LMOD1: variants seen among roughly 807,000 people sequenced by gnomAD.
The protein encoded by LMOD1 is leiomodin 1, also known as leiomodin-1.
In LMOD1, 8 loss-of-function variants were observed where a neutral mutation model predicts 36.5. The observed-to-expected ratio is 0.22, with a 90% CI of 0.13 to 0.40. The LOEUF is 0.40. LMOD1 is among the 10% of genes least tolerant of loss of function. The pLI, the probability that LMOD1 is intolerant of heterozygous loss-of-function variation, is 1.00. For synonymous variants in LMOD1, 284 were observed against 288.7 expected, an observed-to-expected ratio of 0.98 and a Z score of 0.17; for missense variants, 630 against 751.1, an observed-to-expected ratio of 0.84 and a Z score of 1.88.
rs148266269 is a variant in LMOD1, at chr1:201,897,848, C to T, written c.*524G>A. 0.016 allele frequency: 2,470 copies of T among 154,942 alleles called. 23 individuals are homozygous for T. The highest frequency in any genetic ancestry group is 0.024 in the Non-Finnish European group (1,650 of 69,512). 9.6% of individuals were successfully genotyped at this position (154,942 alleles called of 1,614,324 possible). On this transcript the variant is annotated 3_prime_UTR_variant, in exon 3 of 3. Coordinates refer to ENST00000367288, the MANE Select transcript of LMOD1 (RefSeq NM_012134.3). The stretch of plus-strand genomic sequence containing the variant: ...TGCCCCTGCCACATCCTCTAATTAG[C>T]CTGGACTTTGGGGTATCCTCAGCCC...
chr1:201,904,623 G>T (rs1681384209), intron 1 of LMOD1, among the ~76,000 whole-genome samples: 1 of 152,214 alleles, frequency 6.6e-6, no homozygotes, highest in Non-Finnish European at 1.5e-5. Context: ...TGGGGTCCTA[G>T]TTGGCAAGGA....
intron 1 of LMOD1, among the ~76,000 whole-genome samples, chr1:201,922,417 A>G (rs529828376): frequency 2.1e-4 from 32 of 152,350 alleles, no homozygotes; most frequent in Non-Finnish European, 4.1e-4. Flanking sequence ...ATTAAAAGGA[A>G]TAAAGTACCA....
chr1:201,910,644 A>G (rs1436119446), intron 1 of LMOD1, among the ~76,000 whole-genome samples: 1 of 151,310 alleles, frequency 6.6e-6, no homozygotes, highest in African/African-American at 2.4e-5. Context: ...CTAAGAAATT[A>G]ACTGCTGCAA....
chr1:201,945,396 T>C (rs570582607), intron 1 of LMOD1, among the ~76,000 whole-genome samples: 1 of 152,174 alleles, frequency 6.6e-6, no homozygotes, highest in East Asian at 1.9e-4. Context: ...GAGGGCATGC[T>C]CCCTCCAGAG....
At chr1:201,923,072 G>A (rs914454576) in intron 1 of LMOD1, among the ~76,000 whole-genome samples, 9 of 152,274 alleles carry the variant, frequency 5.9e-5, no homozygotes, top group East Asian at 3.9e-4. Flanking sequence ...TGATCCACCC[G>A]TCTCGGCCTC....
chr1:201,900,873 C>T lies in LMOD1; in HGVS notation c.262-122G>A, dbSNP rs1018370036. 20 of 849,760 alleles carry T rather than the reference C, an allele frequency of 2.4e-5. No homozygotes were observed. The African/African-American group carries it at 3.2e-4, about 14-fold the overall frequency. The allele number at this position is 849,760 out of a possible 1,614,324, so 52.6% of individuals were successfully genotyped here. On this transcript the variant is annotated intron_variant, in intron 1 of 2. Coordinates refer to ENST00000367288, the MANE Select transcript of LMOD1 (RefSeq NM_012134.3). ...CTTGAGCCTCTGAAGGACAGTTGTGCTGTTTGGGAGAGTGGGGTGGATGTC... is the reference window on the plus strand; with the variant it reads ...CTTGAGCCTCTGAAGGACAGTTGTGTTGTTTGGGAGAGTGGGGTGGATGTC...
At chr1:201,909,698 C>T (rs1380665782) in intron 1 of LMOD1, among the ~76,000 whole-genome samples, 2 of 152,342 alleles carry the variant, frequency 1.3e-5, no homozygotes, top group South Asian at 4.1e-4. Flanking sequence ...TCCAGCATAA[C>T]AGTAGCTAAC....
intron 1 of LMOD1, among the ~76,000 whole-genome samples, chr1:201,924,790 T>C (rs900973411): frequency 3.0e-4 from 45 of 152,140 alleles, no homozygotes; most frequent in African/African-American, 1.1e-3. Flanking sequence ...CTTGGGAGGC[T>C]GAGGCCGGAG....
chr1:201,901,581 TATAC>T (rs1472657049), intron 1 of LMOD1, among the ~76,000 whole-genome samples: 16 of 24,102 alleles, frequency 6.6e-4, no homozygotes, highest in African/African-American at 1.5e-3. Flanking sequence ...TATATATATA[TATAC>T]ATATATATAT....
At chr1:201,915,311 C>A (rs1221012390) in intron 1 of LMOD1, among the ~76,000 whole-genome samples, 3 of 152,070 alleles carry the variant, frequency 2.0e-5, no homozygotes, top group African/African-American at 7.2e-5. Context: ...AGCCTCTCAC[C>A]GGATTATCTC....
intron 1 of LMOD1, among the ~76,000 whole-genome samples, chr1:201,924,650 GAGAA>G (rs1411007665): frequency 8.2e-6 from 1 of 121,852 alleles, no homozygotes; most frequent in Non-Finnish European, 1.7e-5. Context: ...GAAAGAAAGA[GAGAA>G]AGAAAGAAAA....
In LMOD1 at chr1:201,933,597, ATATATATAT is replaced by A. The variant is rs1558242934; in HGVS notation, c.261+12474_261+12482del. 3.9e-4 allele frequency among the ~76,000 whole-genome samples: 43 copies of A among 110,888 alleles called. 2 individuals are homozygous for A. In the East Asian group the frequency reaches 0.011, roughly 28 times the overall value. 72.7% of individuals were successfully genotyped at this position (110,888 alleles called of 152,430 possible). A position where few individuals can be genotyped will look rare whatever the true frequency, so the allele number is the denominator to read the frequency against. On this transcript the variant is annotated intron_variant, in intron 1 of 2. Coordinates refer to ENST00000367288, the MANE Select transcript of LMOD1 (RefSeq NM_012134.3). ...ATATATGTACACATATACATACATT[ATATATATAT>A]ATATATATATATATATATGGCAAGA...
In LMOD1 at chr1:201,900,541, T is replaced by A; in HGVS notation, c.472A>T (p.Ile158Phe). 1 of 1,613,908 alleles carries A rather than the reference T, an allele frequency of 6.2e-7. No individual in the cohort carries two copies. Among genetic ancestry groups the A allele is most frequent in the South Asian group, 1.1e-5 (1 of 91,064 alleles). Residue 158 changes from isoleucine (I) to phenylalanine (F), a missense_variant, in exon 2 of 3, where the codon ATT becomes TTT. Ile to Phe is a conservative substitution (Grantham distance 21). Transcript: ENST00000367288. Reference sequence around the variant, plus strand: ...GCAGCCCTGACCCGGCCCTTGTCAATGCCCCGGATGATCTTCTCCTCCTTG... The same window carrying A: ...GCAGCCCTGACCCGGCCCTTGTCAAAGCCCCGGATGATCTTCTCCTCCTTG... ...KPKEEKIIRG[I>F]DKGRVRAAVD... is the part of the protein sequence containing the mutation.
At chr1:201,909,251 G>T (rs1681454785) in intron 1 of LMOD1, among the ~76,000 whole-genome samples, 2 of 152,150 alleles carry the variant, frequency 1.3e-5, no homozygotes, top group Non-Finnish European at 2.9e-5. Context: ...GGCAACTCGT[G>T]GGGGTGGGGC....
intron 1 of LMOD1, among the ~76,000 whole-genome samples, chr1:201,903,335 C>G (rs1032942407): frequency 2.0e-5 from 3 of 152,198 alleles, no homozygotes; most frequent in Admixed American, 6.5e-5. Context: ...TCTGTTCTAG[C>G]CTCCTGCCCT....
chr1:201,920,426 A>C (rs966540469), intron 1 of LMOD1, among the ~76,000 whole-genome samples: 3 of 152,192 alleles, frequency 2.0e-5, no homozygotes, highest in Admixed American at 1.3e-4. Context: ...GGGTCAATAC[A>C]ACTCCTAAAT....
At chr1:201,910,686 G>T (rs1361946021) in intron 1 of LMOD1, among the ~76,000 whole-genome samples, 2 of 148,826 alleles carry the variant, frequency 1.3e-5, no homozygotes, top group Non-Finnish European at 3.0e-5. Context: ...TGCTCAGGGG[G>T]AGTTACAGTT....
intron 1 of LMOD1, among the ~76,000 whole-genome samples, chr1:201,938,541 C>G (rs1203783499): frequency 3.3e-5 from 5 of 152,168 alleles, no homozygotes; most frequent in Admixed American, 1.3e-4. Context: ...TCTAGCTGGC[C>G]CCTGAGGAGA....
At chr1:201,931,377 A>C (rs1243591582) in intron 1 of LMOD1, among the ~76,000 whole-genome samples, 1 of 152,166 alleles carries the variant, frequency 6.6e-6, no homozygotes, top group Non-Finnish European at 1.5e-5. Context: ...TCTACTAAAA[A>C]TACAAAAATT....
Sources: gnomAD v4.1 joint callset for allele counts (sites outside exome capture counted in the v4.1 genomes callset) on GRCh38, gnomAD v4.1.1 for gene constraint, MANE v1.5 for transcripts, NCBI Gene and HGNC (gene_info 2026-07-23, HGNC 2026-07-21) for gene names.